ZNF248: variants seen among roughly 807,000 people sequenced by gnomAD.
ZNF248 encodes KRAB protein domain.
Under a neutral mutation model 44.3 loss-of-function variants are expected in ZNF248, and 20 were observed. That is an observed-to-expected ratio of 0.45 (90% confidence interval 0.32 to 0.66). The LOEUF is 0.66. ZNF248 is among the 30% of genes least tolerant of loss of function. ZNF248 has a pLI of 0.04. For missense variants in ZNF248, 654 were observed against 677.0 expected, an observed-to-expected ratio of 0.97 and a Z score of 0.38; for synonymous variants, 224 against 229.0, an observed-to-expected ratio of 0.98 and a Z score of 0.20.
At chr10:37,835,070 G>A (rs941713822) in intron 5 of ZNF248, among the ~76,000 whole-genome samples, 6 of 151,936 alleles carry the variant, frequency 3.9e-5, no homozygotes, top group African/African-American at 7.2e-5. Context: ...TTATTAATAA[G>A]CAGCAACTTT....
chr10:37,837,082 A>C (rs1200270551), intron 5 of ZNF248, among the ~76,000 whole-genome samples: 7 of 148,596 alleles, frequency 4.7e-5, no homozygotes, highest in Admixed American at 1.3e-4. Flanking sequence ...ATACTTTAAA[A>C]TGTAAAAAAA....
chr10:37,818,889 C>T, intron 6 of ZNF248: 1 of 1,067,304 alleles, frequency 9.4e-7, no homozygotes, highest in Non-Finnish European at 1.4e-6. Context: ...CAAAAGGCTT[C>T]CCTCCAGAAA....
chr10:37,824,903 T>C (rs1319799340), downstream of ZNF248, among the ~76,000 whole-genome samples: 2 of 148,520 alleles, frequency 1.3e-5, no homozygotes, highest in Admixed American at 1.4e-4. Context: ...TTAGCCAGGA[T>C]GGTCTCGATC....
At chr10:37,836,838 CT>C (rs1418457164) in intron 5 of ZNF248, among the ~76,000 whole-genome samples, 1 of 151,606 alleles carries the variant, frequency 6.6e-6, no homozygotes, top group East Asian at 1.9e-4. Flanking sequence ...AATACACACA[CT>C]AAGATACCAG....
intron 6 of ZNF248, among the ~76,000 whole-genome samples, chr10:37,810,776 T>C (rs1049178860): frequency 3.9e-5 from 6 of 152,296 alleles, no homozygotes; most frequent in African/African-American, 1.4e-4. Context: ...CATGGTACCA[T>C]TAGCTGTCAA....
At chr10:37,807,375 GTTCT>G (rs1444709769) in intron 6 of ZNF248, among the ~76,000 whole-genome samples, 2 of 152,082 alleles carry the variant, frequency 1.3e-5, no homozygotes, top group African/African-American at 2.4e-5. Flanking sequence ...CTCCAATGTT[GTTCT>G]TTATTAAAAT....
In ZNF248 at chr10:37,829,750, CTCT is replaced by C. The variant is rs145998654; in HGVS notation, c.*1862_*1864del. ...CAGACATGAAAAAGCCCAGCAGAGT[CTCT>C]TCTCATGTCATGACAATGTTGTATC... On this transcript the variant is annotated 3_prime_UTR_variant, in exon 6 of 6. Coordinates refer to ENST00000395867, the MANE Select transcript of ZNF248 (RefSeq NM_021045.3). 1.8e-3 allele frequency: 1,725 copies of C among 985,370 alleles called. 30 individuals are homozygous for C. The African/African-American group carries it at 0.028, about 16-fold the overall frequency. The allele number at this position is 985,370 out of a possible 1,614,324, so 61.0% of individuals were successfully genotyped here.
intron 3 of ZNF248, among the ~76,000 whole-genome samples, chr10:37,840,067 T>C (rs1051298230): frequency 5.3e-5 from 8 of 151,994 alleles, no homozygotes; most frequent in Non-Finnish European, 1.0e-4. Context: ...TAAACAACCA[T>C]ACAAATAACC....
At chr10:37,854,209 T>TCA (rs1188722234) in intron 3 of ZNF248, among the ~76,000 whole-genome samples, 2 of 152,206 alleles carry the variant, frequency 1.3e-5, no homozygotes, top group African/African-American at 2.4e-5. Context: ...CCAAATGCTA[T>TCA]CAGTCCAAAA....
chr10:37,791,226 T>C (rs1342422177), intron 6 of ZNF248, among the ~76,000 whole-genome samples: 1 of 151,648 alleles, frequency 6.6e-6, no homozygotes, highest in East Asian at 1.9e-4. Flanking sequence ...GTATTTTTAG[T>C]AGAGACGGGG....
chr10:37,774,116 C>T (rs1044065340), downstream of ZNF248, among the ~76,000 whole-genome samples: 3 of 152,072 alleles, frequency 2.0e-5, no homozygotes, highest in Non-Finnish European at 2.9e-5. Context: ...TCCTCCATTC[C>T]ATTTCCCTCC....
intron 3 of ZNF248, among the ~76,000 whole-genome samples, chr10:37,849,554 G>A (rs955640078): frequency 6.6e-6 from 1 of 152,036 alleles, no homozygotes; most frequent in Non-Finnish European, 1.5e-5. Flanking sequence ...GGGTGTGGTG[G>A]AGGGCGCCTG....
At chr10:37,777,499 G>A (rs1466626867) in intron 6 of ZNF248, among the ~76,000 whole-genome samples, 1 of 149,410 alleles carries the variant, frequency 6.7e-6, no homozygotes, top group Non-Finnish European at 1.5e-5. Context: ...CTCAATAAAC[G>A]CCATGGTTTA....
intron 3 of ZNF248, among the ~76,000 whole-genome samples, chr10:37,844,923 TC>T (rs1249706908): frequency 2.2e-5 from 1 of 44,996 alleles, no homozygotes; most frequent in Non-Finnish European, 4.8e-5. Flanking sequence ...CCCTTCCCTC[TC>T]CCCCTCCTCT....
intron 6 of ZNF248, among the ~76,000 whole-genome samples, chr10:37,817,183 T>TA (rs1176275103): frequency 6.6e-6 from 1 of 152,090 alleles, no homozygotes; most frequent in Non-Finnish European, 1.5e-5. Context: ...TGCACCCACT[T>TA]AGAGTTTGTC....
chr10:37,807,298 C>T (rs1437231722), intron 6 of ZNF248, among the ~76,000 whole-genome samples: 1 of 152,058 alleles, frequency 6.6e-6, no homozygotes, highest in African/African-American at 2.4e-5. Context: ...CACTATTACA[C>T]TATTATGATT....
chr10:37,857,773 A>C (rs1459491033), upstream of ZNF248: 2 of 152,390 alleles, frequency 1.3e-5, no homozygotes, highest in East Asian at 3.9e-4. Context: ...ACCCCGTGCT[A>C]CAGGACTTCG....
the ZNF248 span, among the ~76,000 whole-genome samples, chr10:37,760,848 G>T: frequency 6.6e-6 from 1 of 152,140 alleles, no homozygotes; most frequent in African/African-American, 2.4e-5. Context: ...GGAAAAAAAA[G>T]TATTATAAAG....
chr10:37,820,904 T>C, intron 6 of ZNF248: 1 of 1,477,592 alleles, frequency 6.8e-7, no homozygotes, highest in Middle Eastern at 2.1e-4. Flanking sequence ...TAGTTTTCCT[T>C]ACTAATACCT....
Sources: allele counts gnomAD v4.1 joint callset (sites outside exome capture counted in the v4.1 genomes callset), GRCh38; gene constraint gnomAD v4.1.1; transcripts MANE v1.5; gene names NCBI Gene and HGNC (gene_info 2026-07-23, HGNC 2026-07-21).